AKR1C8: variants seen among roughly 807,000 people sequenced by gnomAD.
The protein encoded by AKR1C8 is aldo-keto reductase family 1 member C8.
the AKR1C8 span, among the ~76,000 whole-genome samples, chr10:5,120,972 T>C: frequency 6.6e-6 from 1 of 152,124 alleles, no homozygotes; most frequent in Non-Finnish European, 1.5e-5. Flanking sequence ...ATGTAATGTA[T>C]AAGTAATATA....
the AKR1C8 span, among the ~76,000 whole-genome samples, chr10:5,182,563 G>T: frequency 6.6e-6 from 1 of 152,082 alleles, no homozygotes; most frequent in Admixed American, 6.5e-5. Flanking sequence ...ATTATCTGAG[G>T]TTACTTATGG....
chr10:5,177,900 A>C, the AKR1C8 span, among the ~76,000 whole-genome samples: 1 of 152,082 alleles, frequency 6.6e-6, no homozygotes, highest in African/African-American at 2.4e-5. Context: ...CTAGTGGTCT[A>C]TAAATTTTGT....
At chr10:5,116,731 T>A in the AKR1C8 span, among the ~76,000 whole-genome samples, 6 of 152,192 alleles carry the variant, frequency 3.9e-5, no homozygotes, top group African/African-American at 1.4e-4. Flanking sequence ...TGGGAAGATT[T>A]CCCTTCATTG....
At chr10:5,159,323 C>T in the AKR1C8 span, among the ~76,000 whole-genome samples, 2 of 152,284 alleles carry the variant, frequency 1.3e-5, no homozygotes, top group East Asian at 1.9e-4. Flanking sequence ...TCACGTGGAT[C>T]GATGAGTAAG....
At chr10:5,121,887 G>A in the AKR1C8 span, among the ~76,000 whole-genome samples, 1 of 152,132 alleles carries the variant, frequency 6.6e-6, no homozygotes, top group Non-Finnish European at 1.5e-5. Flanking sequence ...GACATAGGCA[G>A]TGTTACTTAC....
the AKR1C8 span, among the ~76,000 whole-genome samples, chr10:5,150,418 A>G: frequency 2.0e-5 from 3 of 152,064 alleles, no homozygotes; most frequent in African/African-American, 7.2e-5. Context: ...ATACTAAGAT[A>G]TATCAGAATT....
the AKR1C8 span, among the ~76,000 whole-genome samples, chr10:5,179,051 T>C: frequency 6.6e-6 from 1 of 152,210 alleles, no homozygotes; most frequent in African/African-American, 2.4e-5. Flanking sequence ...TGCTCGTTAG[T>C]TGATGCAGTT....
At chr10:5,154,287 G>T in the AKR1C8 span, 2 of 436,130 alleles carry the variant, frequency 4.6e-6, no homozygotes, top group Non-Finnish European at 9.6e-6. Context: ...TTACCACCAC[G>T]TCCCTACTTG....
At chr10:5,155,790 C>A in the AKR1C8 span, 1 of 458,144 alleles carries the variant, frequency 2.2e-6, no homozygotes, top group African/African-American at 2.0e-5. Flanking sequence ...ATTAACCCCT[C>A]CCCAGGGCAG....
At chr10:5,175,383 C>T in the AKR1C8 span, among the ~76,000 whole-genome samples, 1 of 152,050 alleles carries the variant, frequency 6.6e-6, no homozygotes, top group Non-Finnish European at 1.5e-5. Context: ...CATTGTTGGA[C>T]ATTTGGGTTA....
the AKR1C8 span, among the ~76,000 whole-genome samples, chr10:5,174,180 G>C: frequency 6.7e-6 from 1 of 150,044 alleles, no homozygotes; most frequent in African/African-American, 2.5e-5. Flanking sequence ...TCCATCCTGA[G>C]ACCAATAATC....
chr10:5,133,824 A>G, the AKR1C8 span, among the ~76,000 whole-genome samples: 1 of 152,178 alleles, frequency 6.6e-6, no homozygotes, highest in Non-Finnish European at 1.5e-5. Context: ...CACAGCCATT[A>G]GCCATTCTGT....
chr10:5,134,805 C>T, the AKR1C8 span, among the ~76,000 whole-genome samples: 2 of 152,162 alleles, frequency 1.3e-5, no homozygotes, highest in Admixed American at 1.3e-4. Flanking sequence ...AACGGAGAAA[C>T]CATTCCACTG....
chr10:5,153,088 TTA>T, the AKR1C8 span, among the ~76,000 whole-genome samples: 3 of 152,204 alleles, frequency 2.0e-5, no homozygotes, highest in Non-Finnish European at 4.4e-5. Context: ...AACTACGTAC[TTA>T]TATGTTTCTT....
the AKR1C8 span, among the ~76,000 whole-genome samples, chr10:5,151,111 G>C: frequency 0.55 from 83,445 of 151,748 alleles, 23,834 homozygotes; most frequent in Non-Finnish European, 0.6. Flanking sequence ...TGGGTGGGGG[G>C]CACAAGACCG....
the AKR1C8 span, among the ~76,000 whole-genome samples, chr10:5,152,664 ACAG>A: frequency 3.3e-5 from 5 of 152,144 alleles, no homozygotes; most frequent in Non-Finnish European, 5.9e-5. Context: ...GGACTGAGAG[ACAG>A]CAGATTAGGA....
chr10:5,125,213 G>C, the AKR1C8 span, among the ~76,000 whole-genome samples: 2,247 of 151,866 alleles, frequency 0.015, 19 homozygotes, highest in Non-Finnish European at 0.021. Flanking sequence ...TTCATCTGCT[G>C]TTTATGGTTA....
At chr10:5,149,041 C>A in the AKR1C8 span, among the ~76,000 whole-genome samples, 1 of 152,050 alleles carries the variant, frequency 6.6e-6, no homozygotes, top group Admixed American at 6.6e-5. Flanking sequence ...ACTCTACAGT[C>A]AGTAAGCACA....
the AKR1C8 span, among the ~76,000 whole-genome samples, chr10:5,181,542 G>T: frequency 6.6e-6 from 1 of 151,958 alleles, no homozygotes; most frequent in Admixed American, 6.6e-5. Flanking sequence ...ACTACAGAAG[G>T]CCCCTAAAAC....
Sources: allele counts gnomAD v4.1 joint callset (sites outside exome capture counted in the v4.1 genomes callset), GRCh38; gene constraint gnomAD v4.1.1; transcripts MANE v1.5; gene names NCBI Gene and HGNC (gene_info 2026-07-23, HGNC 2026-07-21).